EPHA3: variants seen among roughly 807,000 people sequenced by gnomAD.
The protein encoded by EPHA3 is ephrin type-A receptor 3.
EPHA3 carries 42 observed loss-of-function variants against 107.1 expected under a neutral mutation model. That is an observed-to-expected ratio of 0.39 (90% CI 0.31 to 0.51). The LOEUF is 0.51. EPHA3 is among the 20% of genes least tolerant of loss of function. The pLI, the probability that EPHA3 is intolerant of heterozygous loss-of-function variation, is 0.78. For synonymous variants in EPHA3, 461 were observed against 424.8 expected, an observed-to-expected ratio of 1.09 and a Z score of -1.05; for missense variants, 1,183 against 1,211.2, an observed-to-expected ratio of 0.98 and a Z score of 0.35.
At chr3:89,304,039 C>T (rs1706553445) in intron 3 of EPHA3, among the ~76,000 whole-genome samples, 2 of 152,050 alleles carry the variant, frequency 1.3e-5, no homozygotes, top group African/African-American at 4.8e-5. Flanking sequence ...TCTACACTGG[C>T]AAACTGTTGA....
intron 2 of EPHA3, among the ~76,000 whole-genome samples, chr3:89,157,849 G>T (rs951940637): frequency 6.7e-6 from 1 of 148,202 alleles, no homozygotes; most frequent in Non-Finnish European, 1.5e-5. Flanking sequence ...AGTAACACTC[G>T]CTATGAAGAA....
At chr3:89,114,949 C>T (rs9860797) in intron 1 of EPHA3, among the ~76,000 whole-genome samples, 34,552 of 152,118 alleles carry the variant, frequency 0.23, 4,079 homozygotes, top group Middle Eastern at 0.32. Context: ...ATCGCCCTGC[C>T]GCCTTTCGCA....
At chr3:89,342,317 C>T (rs144376911) in intron 5 of EPHA3, among the ~76,000 whole-genome samples, 1 of 151,868 alleles carries the variant, frequency 6.6e-6, no homozygotes, top group African/African-American at 2.4e-5. Flanking sequence ...CCATTGTTTC[C>T]CAATTTGAAA....
At chr3:89,207,081 A>G (rs1706123250) in intron 2 of EPHA3, among the ~76,000 whole-genome samples, 2 of 152,278 alleles carry the variant, frequency 1.3e-5, no homozygotes, top group South Asian at 4.1e-4. Flanking sequence ...TGAGCTATGA[A>G]GAACTAGAAG....
At chr3:89,398,317 A>G (rs1040679804) in intron 6 of EPHA3, among the ~76,000 whole-genome samples, 6 of 152,182 alleles carry the variant, frequency 3.9e-5, no homozygotes, top group Non-Finnish European at 8.8e-5. Flanking sequence ...TATATGTGAG[A>G]GAAAAAACGT....
intron 5 of EPHA3, among the ~76,000 whole-genome samples, chr3:89,363,970 T>A (rs1708143853): frequency 6.6e-6 from 1 of 150,804 alleles, no homozygotes; most frequent in South Asian, 2.1e-4. Context: ...GATGACCACT[T>A]ATCAATAGCA....
At chr3:89,310,104 A>G (rs1706728433) in intron 3 of EPHA3, among the ~76,000 whole-genome samples, 1 of 152,074 alleles carries the variant, frequency 6.6e-6, no homozygotes, top group Non-Finnish European at 1.5e-5. Context: ...AATTGTTAAA[A>G]TGTTCACTGA....
chr3:89,306,889 C>T (rs1299625209), intron 3 of EPHA3, among the ~76,000 whole-genome samples: 2 of 152,072 alleles, frequency 1.3e-5, no homozygotes, highest in African/African-American at 4.8e-5. Context: ...AGATGAAGCA[C>T]CTTTCATGGT....
chr3:89,127,626 T>C (rs1278148910), intron 2 of EPHA3, among the ~76,000 whole-genome samples: 1 of 152,002 alleles, frequency 6.6e-6, no homozygotes, highest in Admixed American at 6.6e-5. Flanking sequence ...AAGTGTGTAT[T>C]TGGAGACGGT....
At chr3:89,271,793 T>C (rs1307963298) in intron 3 of EPHA3, among the ~76,000 whole-genome samples, 1 of 151,908 alleles carries the variant, frequency 6.6e-6, no homozygotes, top group Non-Finnish European at 1.5e-5. Context: ...GAAAATGCCA[T>C]CAAGCGAGTC....
At chr3:89,219,686 A>ATTTT (rs1704304456) in intron 3 of EPHA3, among the ~76,000 whole-genome samples, 7 of 38,854 alleles carry the variant, frequency 1.8e-4, no homozygotes, top group East Asian at 8.8e-4. Flanking sequence ...GCATTTGGCA[A>ATTTT]TGTTTTTTTT....
chr3:89,227,247 A>C (rs1704523634), intron 3 of EPHA3, among the ~76,000 whole-genome samples: 1 of 151,968 alleles, frequency 6.6e-6, no homozygotes, highest in South Asian at 2.1e-4. Context: ...TGGGAAACAT[A>C]TTATGGCTAC....
At chr3:89,147,312 G>T (rs1290595842) in intron 2 of EPHA3, among the ~76,000 whole-genome samples, 1 of 151,614 alleles carries the variant, frequency 6.6e-6, no homozygotes, top group African/African-American at 2.4e-5. Flanking sequence ...TAACAAACCT[G>T]CACGTTCTGC....
At chr3:89,475,154 A>G (rs1334405503) in intron 16 of EPHA3, among the ~76,000 whole-genome samples, 5 of 152,220 alleles carry the variant, frequency 3.3e-5, no homozygotes, top group Non-Finnish European at 7.3e-5. Context: ...GAATTTATTA[A>G]AAGTCTTTAA....
intron 2 of EPHA3, among the ~76,000 whole-genome samples, chr3:89,140,413 T>A (rs1374623264): frequency 1.3e-5 from 2 of 151,804 alleles, no homozygotes; most frequent in African/African-American, 4.8e-5. Flanking sequence ...ATTGTTGGCT[T>A]TATTTTGTGC....
intron 5 of EPHA3, among the ~76,000 whole-genome samples, chr3:89,347,418 CTGT>C (rs1707694222): frequency 6.7e-6 from 1 of 149,690 alleles, no homozygotes; most frequent in African/African-American, 2.4e-5. Flanking sequence ...GGCTGTTTGT[CTGT>C]TGTTGGTGTA....
chr3:89,294,471 C>T (rs1447290430), intron 3 of EPHA3, among the ~76,000 whole-genome samples: 5 of 152,028 alleles, frequency 3.3e-5, no homozygotes, highest in Non-Finnish European at 2.9e-5. Flanking sequence ...TTGGTAGTTT[C>T]ATTTATTCCT....
intron 3 of EPHA3, among the ~76,000 whole-genome samples, chr3:89,250,905 C>G (rs1328644411): frequency 1.3e-5 from 2 of 152,130 alleles, no homozygotes; most frequent in Non-Finnish European, 2.9e-5. Flanking sequence ...AGACTGTAAA[C>G]TTCACAAGCA....
chr3:89,154,153 A>G (rs1410644133), intron 2 of EPHA3, among the ~76,000 whole-genome samples: 1 of 151,738 alleles, frequency 6.6e-6, no homozygotes, highest in Non-Finnish European at 1.5e-5. Flanking sequence ...AACAATTATC[A>G]TCTTCTAATA....
Sources: gnomAD v4.1 joint callset for allele counts (sites outside exome capture counted in the v4.1 genomes callset) on GRCh38, gnomAD v4.1.1 for gene constraint, MANE v1.5 for transcripts, NCBI Gene and HGNC (gene_info 2026-07-23, HGNC 2026-07-21) for gene names.